The following ASPH variants were observed in gnomAD, a reference collection of about 807,000 sequenced individuals.
ASPH encodes the protein aspartate beta-hydroxylase, also known as aspartyl/asparaginyl beta-hydroxylase.
Under a neutral mutation model 118.4 loss-of-function variants are expected in ASPH, and 100 were observed. That is an observed-to-expected ratio of 0.84 (90% CI 0.72 to 1.00). The LOEUF (loss-of-function observed/expected upper bound fraction) is 1.00, where lower values mean the gene tolerates loss of function less well. ASPH is among the 50% of genes least tolerant of loss of function. ASPH has a pLI of 0.00. For missense variants in ASPH, 920 were observed against 919.5 expected (o/e 1.00, Z -0.01); for synonymous variants, 315 against 325.6 (o/e 0.97, Z 0.35).
At chr8:61,700,225 C>A (rs1834907615) in intron 1 of ASPH, among the ~76,000 whole-genome samples, 1 of 152,180 alleles carries the variant, frequency 6.6e-6, no homozygotes. Context: ...TTGTGAATAA[C>A]CATGCCAGTC....
intron 14 of ASPH, among the ~76,000 whole-genome samples, chr8:61,602,232 A>T (rs1220506746): frequency 1.3e-5 from 2 of 151,462 alleles, no homozygotes; most frequent in African/African-American, 4.9e-5. Flanking sequence ...AATCAAATCC[A>T]ACAAGATATA....
At chr8:61,643,108 T>C (rs1806063579) in intron 9 of ASPH, among the ~76,000 whole-genome samples, 188 bp from the exon 10 acceptor site, 1 of 152,202 alleles carries the variant, frequency 6.6e-6, no homozygotes, top group Non-Finnish European at 1.5e-5. Flanking sequence ...ATTATTTTCA[T>C]TAAAATTTCT....
At chr8:61,639,453 T>A (rs571710621) in intron 10 of ASPH, among the ~76,000 whole-genome samples, 1 of 152,282 alleles carries the variant, frequency 6.6e-6, no homozygotes, top group Admixed American at 6.5e-5. Context: ...AGCAACACCA[T>A]TCTTCTCCAA....
In ASPH at chr8:61,589,201, T is replaced by C. The variant is rs1430575741; in HGVS notation, c.977-5172A>G. Among the ~76,000 whole-genome samples, 3 of 152,288 alleles carry C rather than the reference T, an allele frequency of 2.0e-5. No individual in the cohort carries two copies. The South Asian group carries it at 6.2e-4, about 32-fold the overall frequency. ...AAAGCTGTATCTAGATGTATATGCA[T>C]CATAGAATACACACTATAAAAGGTA... is the stretch of plus-strand genomic sequence containing the variant. On this transcript the variant is annotated intron_variant, in intron 14 of 24. Coordinates refer to ENST00000379454, the MANE Select transcript of ASPH (RefSeq NM_004318.4).
chr8:61,636,289 G>C (rs971785046), intron 12 of ASPH, among the ~76,000 whole-genome samples: 1 of 152,134 alleles, frequency 6.6e-6, no homozygotes, highest in Non-Finnish European at 1.5e-5. Context: ...GCCAGACAAG[G>C]GGCTATACAA....
chr8:61,712,548 C>G (rs1838297010), intron 1 of ASPH, among the ~76,000 whole-genome samples: 1 of 152,196 alleles, frequency 6.6e-6, no homozygotes, highest in African/African-American at 2.4e-5. Context: ...ATGTCTGTTT[C>G]ATGACTATTA....
At chr8:61,606,288 T>C (rs928425658) in intron 14 of ASPH, among the ~76,000 whole-genome samples, 5 of 152,216 alleles carry the variant, frequency 3.3e-5, no homozygotes, top group African/African-American at 1.2e-4. Flanking sequence ...ATGACATTAG[T>C]AATAACATCA....
chr8:61,611,618 G>A (rs1243841681), intron 14 of ASPH, among the ~76,000 whole-genome samples: 2 of 152,234 alleles, frequency 1.3e-5, no homozygotes, highest in African/African-American at 4.8e-5. Flanking sequence ...TGAGGTGTAA[G>A]AGGGCAGAAC....
chr8:61,598,278 G>GA, intron 14 of ASPH, among the ~76,000 whole-genome samples: 1 of 151,966 alleles, frequency 6.6e-6, no homozygotes, highest in East Asian at 1.9e-4. Context: ...CAAAAAGACA[G>GA]AAAAAGATAT....
In ASPH at chr8:61,526,046, G is replaced by C. The variant is rs1167412623; in HGVS notation, c.1831C>G (p.Leu611Val). ...GLAVMDKAKG[L>V]FLPEDENLRE... is the part of the protein sequence containing the mutation. ...AGGTTTTCATCCTCAGGCAGGAAGA[G>C]ACCTTTGGCTTTATCCATCACTGCA... The change falls in exon 22 of 25, where the codon CTC becomes GTC. Residue 611 changes from leucine to valine, a missense_variant. By Grantham distance (32) the Leu-to-Val change is conservative. Coordinates refer to ENST00000379454, the MANE Select transcript of ASPH (RefSeq NM_004318.4). 6 of 1,613,926 alleles carry C rather than the reference G, an allele frequency of 3.7e-6. No homozygotes were observed. The highest frequency in any genetic ancestry group is 3.3e-5 in the Admixed American group (2 of 59,992).
chr8:61,506,117 C>G (rs1206971753), intron 24 of ASPH, among the ~76,000 whole-genome samples: 1 of 152,170 alleles, frequency 6.6e-6, no homozygotes, highest in African/African-American at 2.4e-5. Flanking sequence ...GTGGTATACA[C>G]ATACAATGGA....
intron 13 of ASPH, chr8:61,625,937 T>C (rs1852602076): frequency 4.6e-6 from 5 of 1,090,110 alleles, no homozygotes; most frequent in Non-Finnish European, 5.6e-6. Context: ...ATCACCAATA[T>C]AATTATTAAC....
intron 14 of ASPH, among the ~76,000 whole-genome samples, chr8:61,602,173 T>C (rs984414363): frequency 1.3e-5 from 2 of 151,370 alleles, no homozygotes; most frequent in Non-Finnish European, 2.9e-5. Context: ...TACTAACTGG[T>C]ATCCCTCATG....
At chr8:61,550,906 G>A (rs1362886590) in intron 20 of ASPH, among the ~76,000 whole-genome samples, 1 of 152,180 alleles carries the variant, frequency 6.6e-6, no homozygotes, top group Non-Finnish European at 1.5e-5. Context: ...AGCTGGCCCT[G>A]ACTAGACTGG....
chr8:61,536,644 CA>C (rs1819729488), intron 21 of ASPH, among the ~76,000 whole-genome samples: 1 of 152,134 alleles, frequency 6.6e-6, no homozygotes, highest in African/African-American at 2.4e-5. Flanking sequence ...GAACTGTGGA[CA>C]AAATTCAGGG....
chr8:61,573,518 A>G (rs1201629997), intron 16 of ASPH, among the ~76,000 whole-genome samples: 1 of 152,236 alleles, frequency 6.6e-6, no homozygotes, highest in Non-Finnish European at 1.5e-5. Flanking sequence ...AAACAGATAT[A>G]TAGACCAATG....
At chr8:61,677,892 G>A (rs774183834) in intron 3 of ASPH, among the ~76,000 whole-genome samples, 7 of 152,082 alleles carry the variant, frequency 4.6e-5, no homozygotes, top group South Asian at 2.1e-4. Flanking sequence ...CATATGCAAC[G>A]AATATGCAAA....
intron 21 of ASPH, among the ~76,000 whole-genome samples, chr8:61,542,689 C>T (rs922055805): frequency 6.6e-6 from 1 of 152,044 alleles, no homozygotes; most frequent in Non-Finnish European, 1.5e-5. Context: ...TTTAGTGATG[C>T]TCTTTTTTTT....
At chr8:61,575,833 G>A (rs766195075) in intron 16 of ASPH, among the ~76,000 whole-genome samples, 3 of 152,054 alleles carry the variant, frequency 2.0e-5, no homozygotes, top group Non-Finnish European at 2.9e-5. Flanking sequence ...ACGCCTCCTC[G>A]ACTTTAATCA....
Sources: gnomAD v4.1 joint callset for allele counts (sites outside exome capture counted in the v4.1 genomes callset) on GRCh38, gnomAD v4.1.1 for gene constraint, MANE v1.5 for transcripts, NCBI Gene and HGNC (gene_info 2026-07-23, HGNC 2026-07-21) for gene names.